The following NIPAL2 variants were observed in gnomAD, a reference collection of about 807,000 sequenced individuals.
The protein encoded by NIPAL2 is NIPA-like protein 2.
A neutral mutation model predicts 48.9 loss-of-function variants in NIPAL2; 43 were observed. The observed-to-expected ratio is 0.88, with a 90% confidence interval of 0.69 to 1.13. The LOEUF (loss-of-function observed/expected upper bound fraction) is 1.13, where lower values mean the gene tolerates loss of function less well. Ranked by LOEUF, NIPAL2 falls within the 50% of genes most tolerant of loss-of-function variation. The probability of loss-of-function intolerance (pLI) is 0.00; values close to 1 mark genes in which losing one functional copy is unlikely to be tolerated. For missense variants in NIPAL2, 446 were observed against 461.4 expected (o/e 0.97, Z 0.31); for synonymous variants, 167 against 174.6 (o/e 0.96, Z 0.34).
chr8:98,287,218 T>C (rs757207477), intron 1 of NIPAL2, among the ~76,000 whole-genome samples: 2 of 152,182 alleles, frequency 1.3e-5, no homozygotes, highest in African/African-American at 2.4e-5. Flanking sequence ...TCAGGGTCTA[T>C]GAAATATGAT....
intron 10 of NIPAL2, 188 bp from the exon 11 acceptor site, chr8:98,193,278 G>A: frequency 1.6e-6 from 2 of 1,280,568 alleles, no homozygotes; most frequent in Non-Finnish European, 2.3e-6. Context: ...CTATGTGATA[G>A]CGAATTGTCT....
rs1187601751 is a variant in NIPAL2 at position 98,215,760 on chromosome 8, CCTTT to C, written c.559-3263_559-3260del. Among the ~76,000 whole-genome samples, 3 of 152,286 alleles carry C rather than the reference CCTTT, an allele frequency of 2.0e-5. No individual in the cohort carries two copies. In the East Asian group the frequency reaches 5.8e-4, roughly 29 times the overall value. Reference sequence around the variant, plus strand: ...TGGTGGGTTGGTGCAATTCTTCCTTCCTTTGTTTTCTGTACCAGATCAGAGGAAA... The same window carrying C: ...TGGTGGGTTGGTGCAATTCTTCCTTCGTTTTCTGTACCAGATCAGAGGAAA... On this transcript the variant is annotated intron_variant, in intron 5 of 10. Transcript: ENST00000430223.
At chr8:98,278,450 C>A (rs1447351548) in intron 1 of NIPAL2, among the ~76,000 whole-genome samples, 1 of 152,020 alleles carries the variant, frequency 6.6e-6, no homozygotes, top group African/African-American at 2.4e-5. Context: ...CATTCTAACC[C>A]CTTGTTTCCT....
intron 1 of NIPAL2, among the ~76,000 whole-genome samples, chr8:98,257,411 G>A (rs1813965534): frequency 6.8e-6 from 1 of 146,408 alleles, no homozygotes; most frequent in South Asian, 2.2e-4. Context: ...ACAGTGGCAT[G>A]ATCTCAGCGG....
chr8:98,247,465 G>A (rs977852689), intron 3 of NIPAL2, among the ~76,000 whole-genome samples: 1 of 152,118 alleles, frequency 6.6e-6, no homozygotes, highest in African/African-American at 2.4e-5. Flanking sequence ...GCTGTGTGTG[G>A]TTGGGCGGGC....
chr8:98,266,932 C>G (rs1028922462), intron 1 of NIPAL2, among the ~76,000 whole-genome samples: 3 of 151,956 alleles, frequency 2.0e-5, no homozygotes, highest in Admixed American at 6.6e-5. Context: ...TTTTGTTTAT[C>G]TGTATCTAAA....
At chr8:98,255,415 C>A (rs553124288) in intron 1 of NIPAL2, among the ~76,000 whole-genome samples, 2 of 152,226 alleles carry the variant, frequency 1.3e-5, no homozygotes, top group African/African-American at 4.8e-5. Flanking sequence ...GCATTGCAAC[C>A]ACAAAGAACC....
chr8:98,197,510 C>A (rs150320138), intron 8 of NIPAL2, among the ~76,000 whole-genome samples: 40 of 152,306 alleles, frequency 2.6e-4, no homozygotes, highest in African/African-American at 9.1e-4. Context: ...TCGATTAACT[C>A]TTTCATGAAA....
intron 5 of NIPAL2, 24 bp from the exon 6 acceptor site, chr8:98,212,525 G>C: frequency 8.5e-7 from 1 of 1,178,504 alleles, no homozygotes; most frequent in Non-Finnish European, 1.3e-6. Context: ...AGATGGAAAA[G>C]AGTAAGTTAT....
At chr8:98,244,580 T>TGATGAGAGGGTGGGCTGTAAG (rs1813196797) in intron 3 of NIPAL2, among the ~76,000 whole-genome samples, 1 of 32,470 alleles carries the variant, frequency 3.1e-5, no homozygotes, top group Non-Finnish European at 5.6e-5. Flanking sequence ...TGCGCTGTGG[T>TGATGAGAGGGTGGGCTGTAAG]GATGAGAGGG....
At chr8:98,229,303 C>G (rs1453515784) in intron 4 of NIPAL2, among the ~76,000 whole-genome samples, 1 of 152,138 alleles carries the variant, frequency 6.6e-6, no homozygotes, top group South Asian at 2.1e-4. Flanking sequence ...AACAGGTAAA[C>G]AAGCAAATCC....
intron 3 of NIPAL2, among the ~76,000 whole-genome samples, chr8:98,237,739 T>A (rs1231120698): frequency 1.3e-5 from 2 of 152,188 alleles, no homozygotes; most frequent in East Asian, 3.9e-4. Flanking sequence ...GGCTTTTACA[T>A]GTCCAGCTCT....
intron 1 of NIPAL2, among the ~76,000 whole-genome samples, chr8:98,293,312 C>G (rs1361280820): frequency 6.6e-6 from 1 of 152,220 alleles, no homozygotes; most frequent in African/African-American, 2.4e-5. Flanking sequence ...GGCCAGAACA[C>G]TTCCTCATCT....
intron 3 of NIPAL2, among the ~76,000 whole-genome samples, chr8:98,242,779 C>A (rs190856863): frequency 1.3e-5 from 2 of 152,098 alleles, no homozygotes; most frequent in African/African-American, 2.4e-5. Flanking sequence ...CCACCGCGCC[C>A]GGTCTTTTGC....
intron 1 of NIPAL2, among the ~76,000 whole-genome samples, chr8:98,280,851 C>T (rs890648798): frequency 8.1e-5 from 12 of 148,754 alleles, no homozygotes; most frequent in African/African-American, 3.0e-4. Context: ...AGGTGAGGGA[C>T]ATATGGTATT....
At chr8:98,194,989 T>C (rs1249588696) in intron 9 of NIPAL2, among the ~76,000 whole-genome samples, 167 bp from the exon 10 acceptor site, 1 of 152,214 alleles carries the variant, frequency 6.6e-6, no homozygotes, top group African/African-American at 2.4e-5. Context: ...CAGCCAATAG[T>C]TCTACCCAGA....
rs553856540 is a variant in NIPAL2 at position 98,192,150 on chromosome 8, G to A, written c.*828C>T. On this transcript the variant is annotated 3_prime_UTR_variant, in exon 11 of 11. Coordinates refer to ENST00000430223, the MANE Select transcript of NIPAL2 (RefSeq NM_001321635.2). ...AGTATGATAGAATCATACAGCTGAA[G>A]AAAACATCACCATTCTAGATTTTTA... 1.3e-5 allele frequency: 2 copies of A among 152,256 alleles called. No individual in the cohort carries two copies. The highest frequency in any genetic ancestry group is 2.1e-4 in the South Asian group (1 of 4,820). 9.4% of individuals were successfully genotyped at this position (152,256 alleles called of 1,614,324 possible). A position where few individuals can be genotyped will look rare whatever the true frequency, so the allele number is the denominator to read the frequency against.
chr8:98,222,591 A>G lies in NIPAL2; in HGVS notation c.446T>C (p.Leu149Pro). Residue 149 changes from leucine (L) to proline (P), a missense_variant, in exon 5 of 11, where the codon CTG becomes CCG. Coordinates refer to ENST00000430223, the MANE Select transcript of NIPAL2 (RefSeq NM_001321635.2). ...CAGTAAATATGTTCCTGCAAATGCC[A>G]GTGTCGTACCTTTAAATAAAATTGA... is the stretch of plus-strand genomic sequence containing the variant. Reference protein sequence around the residue: ...LRASDLLGTTLAFAGTYLLVN... With the variant: ...LRASDLLGTTPAFAGTYLLVN... The G allele has an allele frequency of 6.2e-7, 1 of 1,611,514 alleles. No individual in the cohort carries two copies. Among genetic ancestry groups the G allele is most frequent in the Non-Finnish European group, 8.5e-7 (1 of 1,179,500 alleles).
intron 6 of NIPAL2, among the ~76,000 whole-genome samples, chr8:98,207,281 A>AT (rs1406277534): frequency 1.3e-5 from 2 of 152,236 alleles, no homozygotes; most frequent in Non-Finnish European, 2.9e-5. Flanking sequence ...TCTGTTATTG[A>AT]TAGCTAAACA....
Sources: allele counts gnomAD v4.1 joint callset (sites outside exome capture counted in the v4.1 genomes callset), GRCh38; gene constraint gnomAD v4.1.1; transcripts MANE v1.5; gene names NCBI Gene and HGNC (gene_info 2026-07-23, HGNC 2026-07-21).